The following SGCZ variants were observed in gnomAD, a reference collection of about 807,000 sequenced individuals.
The protein encoded by SGCZ is zeta-sarcoglycan.
In SGCZ, 40 loss-of-function variants were observed where a neutral mutation model predicts 41.3. The ratio of observed to expected loss-of-function variants is 0.97; its 90% CI spans 0.75 to 1.26. The LOEUF is 1.26. Among genes scored for constraint, SGCZ ranks in the 50% most tolerant of loss-of-function variants. The pLI is 0.00. For synonymous variants in SGCZ, 206 were observed against 137.5 expected (o/e 1.50, Z -3.49); for missense variants, 552 against 369.8 (o/e 1.49, Z -4.04).
chr8:14,962,791 G>A (rs1027177043), intron 1 of SGCZ, among the ~76,000 whole-genome samples: 1 of 152,134 alleles, frequency 6.6e-6, no homozygotes, highest in Admixed American at 6.5e-5. Context: ...CAAGTGTCCC[G>A]CATTAAGAAA....
intron 1 of SGCZ, among the ~76,000 whole-genome samples, chr8:15,145,072 T>C (rs561900): frequency 0.84 from 128,030 of 152,112 alleles, 57,352 homozygotes; most frequent in Non-Finnish European, 0.98. Context: ...CTTTAAATGA[T>C]TGCACAGAGT....
intron 1 of SGCZ, among the ~76,000 whole-genome samples, chr8:15,147,354 C>A (rs371259209): frequency 6.6e-6 from 1 of 152,166 alleles, no homozygotes; most frequent in East Asian, 1.9e-4. Flanking sequence ...TTTTGGCTCA[C>A]CACAACCTCC....
At chr8:14,434,440 G>C (rs941062788) in intron 2 of SGCZ, among the ~76,000 whole-genome samples, 7 of 152,146 alleles carry the variant, frequency 4.6e-5, no homozygotes, top group African/African-American at 1.7e-4. Context: ...GTCTTGCTTA[G>C]ACCATGTCGG....
chr8:14,150,518 T>A (rs1803667663), intron 5 of SGCZ, among the ~76,000 whole-genome samples: 1 of 152,052 alleles, frequency 6.6e-6, no homozygotes, highest in African/African-American at 2.4e-5. Context: ...GGACAGGCAA[T>A]AATAAATGCT....
rs34700961 is a variant in SGCZ, at chr8:14,756,185, ATT to A, written c.40-201261_40-201260del. Among the ~76,000 whole-genome samples, 318 of 136,130 alleles carry A rather than the reference ATT, an allele frequency of 2.3e-3. 3 individuals are homozygous for A. The highest frequency in any genetic ancestry group is 7.9e-3 in the African/African-American group (290 of 36,502). 89.3% of individuals were successfully genotyped at this position (136,130 alleles called of 152,430 possible). Reference sequence around the variant, plus strand: ...TTAGGAATATTTTCAGTAGAAGTAAATTTTTTTTTTTTTTTTTTTGAGACAGA... The same window carrying A: ...TTAGGAATATTTTCAGTAGAAGTAAATTTTTTTTTTTTTTTTTGAGACAGA... On this transcript the variant is annotated intron_variant, in intron 1 of 7. Coordinates refer to ENST00000382080, the MANE Select transcript of SGCZ (RefSeq NM_139167.4).
rs1011287815 is a variant in SGCZ at position 14,621,640 on chromosome 8, C to T, written c.40-66714G>A. Among the ~76,000 whole-genome samples the T allele has an allele frequency of 1.3e-5, 2 of 152,024 alleles. 1 individual carries two copies. Among genetic ancestry groups the T allele is most frequent in the East Asian group, 3.9e-4 (2 of 5,156 alleles). On this transcript the variant is annotated intron_variant, in intron 1 of 7. Transcript: ENST00000382080. ...TGAAGGGGAGGCTTATACATCTTCA[C>T]AATGGAGAGCAAGAGACTGAGAGAG... is the stretch of plus-strand genomic sequence containing the variant.
chr8:14,239,033 T>G (rs1247979365), intron 3 of SGCZ, among the ~76,000 whole-genome samples: 1 of 141,530 alleles, frequency 7.1e-6, no homozygotes, highest in African/African-American at 3.1e-5. Flanking sequence ...AAAAGTCTAG[T>G]TTTTTTTTCC....
intron 2 of SGCZ, among the ~76,000 whole-genome samples, chr8:14,446,478 A>G (rs868064863): frequency 2.6e-5 from 4 of 152,124 alleles, no homozygotes; most frequent in Non-Finnish European, 4.4e-5. Flanking sequence ...AATTGTATAG[A>G]GATTCATTTC....
intron 2 of SGCZ, among the ~76,000 whole-genome samples, chr8:14,434,362 G>A (rs1421585026): frequency 1.3e-5 from 2 of 152,162 alleles, no homozygotes; most frequent in African/African-American, 2.4e-5. Flanking sequence ...CTCTTTGGGT[G>A]ACTGTGGCCT....
intron 1 of SGCZ, among the ~76,000 whole-genome samples, chr8:14,577,064 C>A (rs1186684956): frequency 6.6e-6 from 1 of 152,088 alleles, no homozygotes; most frequent in African/African-American, 2.4e-5. Context: ...CTTTCAATTG[C>A]CAAAAGGTAT....
At chr8:14,118,508 G>T (rs1401860219) in intron 5 of SGCZ, among the ~76,000 whole-genome samples, 1 of 152,112 alleles carries the variant, frequency 6.6e-6, no homozygotes, top group Non-Finnish European at 1.5e-5. Flanking sequence ...CCATTCTGTA[G>T]GTTGCCTGTT....
chr8:14,379,139 A>G (rs1379644390), intron 2 of SGCZ, among the ~76,000 whole-genome samples: 2 of 152,190 alleles, frequency 1.3e-5, no homozygotes, highest in African/African-American at 4.8e-5. Context: ...TTAAGTAGGA[A>G]AAAATCCATT....
At chr8:14,821,719 T>A (rs551272076) in intron 1 of SGCZ, among the ~76,000 whole-genome samples, 6 of 151,984 alleles carry the variant, frequency 3.9e-5, no homozygotes, top group African/African-American at 1.4e-4. Flanking sequence ...AACATCCCTA[T>A]GATCATTTTA....
chr8:14,887,360 T>G (rs191487914), intron 1 of SGCZ, among the ~76,000 whole-genome samples: 216 of 152,336 alleles, frequency 1.4e-3, no homozygotes, highest in African/African-American at 5.0e-3. Context: ...ACATATAAAT[T>G]ATTTTCCTAA....
At chr8:14,717,189 C>G (rs528230322) in intron 1 of SGCZ, among the ~76,000 whole-genome samples, 1 of 151,956 alleles carries the variant, frequency 6.6e-6, no homozygotes, top group South Asian at 2.1e-4. Context: ...AGATAAATAA[C>G]AAAGCTTAGT....
chr8:14,767,185 G>A (rs914276368), intron 1 of SGCZ, among the ~76,000 whole-genome samples: 25 of 152,094 alleles, frequency 1.6e-4, no homozygotes, highest in South Asian at 1.0e-3. Context: ...AAATGACATG[G>A]CACAAGGTCT....
At chr8:14,395,773 C>A (rs890937147) in intron 2 of SGCZ, among the ~76,000 whole-genome samples, 32 of 152,146 alleles carry the variant, frequency 2.1e-4, no homozygotes, top group Admixed American at 6.6e-5. Context: ...GAGCAAGTAT[C>A]AGGATATAAA....
intron 2 of SGCZ, among the ~76,000 whole-genome samples, chr8:14,442,428 T>C (rs1800298816): frequency 1.3e-5 from 2 of 152,206 alleles, no homozygotes; most frequent in Non-Finnish European, 2.9e-5. Flanking sequence ...TGTGAGTCCA[T>C]TAAGTCTCTT....
At chr8:14,281,903 A>G (rs1585315937) in intron 3 of SGCZ, among the ~76,000 whole-genome samples, 1 of 152,190 alleles carries the variant, frequency 6.6e-6, no homozygotes, top group Non-Finnish European at 1.5e-5. Flanking sequence ...ATGTGCCTCA[A>G]ACGATAATTA....
Sources: gnomAD v4.1 joint callset for allele counts (sites outside exome capture counted in the v4.1 genomes callset) on GRCh38, gnomAD v4.1.1 for gene constraint, MANE v1.5 for transcripts, NCBI Gene and HGNC (gene_info 2026-07-23, HGNC 2026-07-21) for gene names.